The following RHPN2 variants were observed in gnomAD, a reference collection of about 807,000 sequenced individuals.
The protein encoded by RHPN2 is rhophilin Rho GTPase binding protein 2, also known as rhophilin-2.
In RHPN2, 40 loss-of-function variants were observed where a neutral mutation model predicts 79.0. The observed-to-expected ratio is 0.51, with a 90% CI of 0.39 to 0.66. The LOEUF (loss-of-function observed/expected upper bound fraction) is 0.66, where lower values mean the gene tolerates loss of function less well. Ranked by LOEUF, RHPN2 falls within the 30% of genes least tolerant of loss-of-function variation. The pLI is 0.00. For synonymous variants in RHPN2, 285 were observed against 363.5 expected, an observed-to-expected ratio of 0.78 and a Z score of 2.46; for missense variants, 686 against 883.5, an observed-to-expected ratio of 0.78 and a Z score of 2.83.
intron 2 of RHPN2, among the ~76,000 whole-genome samples, chr19:33,029,698 C>T (rs1172276577): frequency 6.6e-6 from 1 of 152,032 alleles, no homozygotes; most frequent in Non-Finnish European, 1.5e-5. Context: ...CGTCAGGGTC[C>T]CTAAAACCAC....
intron 2 of RHPN2, among the ~76,000 whole-genome samples, chr19:33,031,385 A>G (rs1319677357): frequency 6.6e-6 from 1 of 150,730 alleles, no homozygotes; most frequent in African/African-American, 2.4e-5. Flanking sequence ...TCAGACTCCC[A>G]AGTAGCTGGG....
chr19:33,031,913 T>C (rs377540119), intron 2 of RHPN2, among the ~76,000 whole-genome samples: 51 of 151,520 alleles, frequency 3.4e-4, no homozygotes, highest in African/African-American at 1.2e-3. Flanking sequence ...TAGAGAGGGG[T>C]TTCACCATGT....
At chr19:33,060,473 G>A (rs1972270356) in intron 1 of RHPN2, among the ~76,000 whole-genome samples, 1 of 152,122 alleles carries the variant, frequency 6.6e-6, no homozygotes, top group Non-Finnish European at 1.5e-5. Flanking sequence ...TGAGCTAAGG[G>A]TGCAAGCTGG....
Position 33,035,588 on chromosome 19 carries a change from C to T in RHPN2, c.185+8661G>A, listed in dbSNP as rs1189892585. ...CCTGGCGTCTGAGCTTCGTTGCTAGCACAGGTGTAGGTCAGAGGCGTTCGA... is the reference window on the plus strand; with the variant it reads ...CCTGGCGTCTGAGCTTCGTTGCTAGTACAGGTGTAGGTCAGAGGCGTTCGA... On this transcript the variant is annotated intron_variant, in intron 2 of 14. Transcript: ENST00000254260. Among the ~76,000 whole-genome samples the T allele has an allele frequency of 2.0e-5, 3 of 152,136 alleles. No homozygotes were observed. In the East Asian group the frequency reaches 5.8e-4, roughly 29 times the overall value.
intron 1 of RHPN2, among the ~76,000 whole-genome samples, chr19:33,050,469 G>T (rs1033822968): frequency 6.6e-6 from 1 of 151,948 alleles, no homozygotes. Context: ...ATAAACCTGC[G>T]TAACCATCAC....
chr19:33,013,867 A>ATTTTAT (rs1451030468), intron 4 of RHPN2, among the ~76,000 whole-genome samples: 2 of 58,070 alleles, frequency 3.4e-5, no homozygotes, highest in Non-Finnish European at 5.3e-5. Context: ...ATTTTACTTT[A>ATTTTAT]TTTTATTTTA....
intron 9 of RHPN2, 121 bp downstream of exon 9, chr19:33,002,126 C>A (rs1355626657): frequency 5.6e-6 from 7 of 1,261,000 alleles, no homozygotes; most frequent in Non-Finnish European, 7.9e-6. Context: ...TCACTCCCAT[C>A]CTCTGCCTTC....
intron 1 of RHPN2, among the ~76,000 whole-genome samples, chr19:33,060,215 C>T (rs1195637189): frequency 6.6e-6 from 1 of 152,130 alleles, no homozygotes. Flanking sequence ...GGCGTGATCT[C>T]GGCTCACTGC....
chr19:33,041,279 C>G (rs1972098130), intron 2 of RHPN2, among the ~76,000 whole-genome samples: 1 of 152,134 alleles, frequency 6.6e-6, no homozygotes, highest in Non-Finnish European at 1.5e-5. Context: ...AGAAGGAAAG[C>G]AGGGCCTAAT....
At chr19:33,041,814 A>G (rs1188245552) in intron 2 of RHPN2, among the ~76,000 whole-genome samples, 1 of 152,088 alleles carries the variant, frequency 6.6e-6, no homozygotes, top group Non-Finnish European at 1.5e-5. Flanking sequence ...GTCTCCTCCC[A>G]TCCTCCAACA....
In RHPN2 at chr19:33,002,258, A is replaced by C. The variant is rs1227297967; in HGVS notation, c.1094T>G (p.Ile365Ser). Reference protein sequence around the residue: ...LAHYFTAILLIDHQVKPGTDL... With the variant: ...LAHYFTAILLSDHQVKPGTDL... ...CCCCCAGGCCTTACCCTGGTGGTCG[A>C]TGAGGAGGATGGCAGTGAAGTAGTG... Residue 365 changes from isoleucine to serine, a missense_variant, in exon 9 of 15, where the codon ATC becomes AGC. Coordinates refer to ENST00000254260, the MANE Select transcript of RHPN2 (RefSeq NM_033103.5). The C allele has an allele frequency of 3.1e-6, 5 of 1,612,976 alleles. No homozygotes were observed. The African/African-American group carries it at 6.7e-5, about 22-fold the overall frequency.
At chr19:33,044,220 G>T (rs1599832311) in intron 2 of RHPN2, 29 bp downstream of exon 2, 2 of 1,518,344 alleles carry the variant, frequency 1.3e-6, no homozygotes, top group South Asian at 1.1e-5. Context: ...TAGGACTCAG[G>T]AGAGGCAGGG....
intron 2 of RHPN2, among the ~76,000 whole-genome samples, chr19:33,029,544 AAG>A (rs1555713162): frequency 4.6e-5 from 7 of 151,270 alleles, no homozygotes; most frequent in South Asian, 2.1e-4. Context: ...AAAAAAAAAA[AAG>A]AAGAAGAGTC....
intron 12 of RHPN2, 128 bp from the exon 13 acceptor site, chr19:32,992,097 G>T: frequency 1.0e-6 from 1 of 979,014 alleles, no homozygotes; most frequent in East Asian, 2.6e-5. Flanking sequence ...TGACACATCT[G>T]GGGGCATACA....
rs1457137105 is a variant in RHPN2 at position 33,056,100 on chromosome 19, T to TC, written c.69+8683_69+8684insG. 2.7e-5 allele frequency among the ~76,000 whole-genome samples: 4 copies of TC among 150,006 alleles called. No individual in the cohort carries two copies. In the East Asian group the frequency reaches 7.9e-4, roughly 30 times the overall value. ...TGTTTCCAGCTGCTTTTCTTTTCTT[T>TC]TTTTTTTCTTTTTTCCTTTTTTTTT... On this transcript the variant is annotated intron_variant, in intron 1 of 14. Transcript: ENST00000254260.
At chr19:33,036,214 G>A (rs1273238471) in intron 2 of RHPN2, among the ~76,000 whole-genome samples, 1 of 148,370 alleles carries the variant, frequency 6.7e-6, no homozygotes, top group African/African-American at 2.5e-5. Flanking sequence ...GGTGACGGGA[G>A]TCTTGCTGTG....
chr19:33,030,508 G>A (rs918019576), intron 2 of RHPN2, among the ~76,000 whole-genome samples: 10 of 152,182 alleles, frequency 6.6e-5, no homozygotes, highest in Non-Finnish European at 1.0e-4. Flanking sequence ...TATGAGAATC[G>A]CTTGAACCCG....
intron 1 of RHPN2, among the ~76,000 whole-genome samples, chr19:33,061,476 ATT>A (rs749163139): frequency 1.6e-4 from 22 of 135,782 alleles, no homozygotes; most frequent in Admixed American, 2.3e-4. Flanking sequence ...AAGTGCTGGG[ATT>A]TTTTTTTTTT....
chr19:33,001,720 C>A (rs1050048146), intron 9 of RHPN2, among the ~76,000 whole-genome samples: 7 of 152,080 alleles, frequency 4.6e-5, no homozygotes, highest in African/African-American at 1.7e-4. Context: ...CATTCTCCTG[C>A]CTCAGTCACC....
Sources: allele counts gnomAD v4.1 joint callset (sites outside exome capture counted in the v4.1 genomes callset), GRCh38; gene constraint gnomAD v4.1.1; transcripts MANE v1.5; gene names NCBI Gene and HGNC (gene_info 2026-07-23, HGNC 2026-07-21).